The following PKHD1 variants were observed in gnomAD, a reference collection of about 807,000 sequenced individuals.
The protein encoded by PKHD1 is fibrocystin.
A neutral mutation model predicts 412.0 loss-of-function variants in PKHD1; 291 were observed. That is an observed-to-expected ratio of 0.71 (90% CI 0.64 to 0.78). The LOEUF is 0.78. PKHD1 is among the 30% of genes least tolerant of loss of function. PKHD1 has a pLI of 0.00. For missense variants in PKHD1, 4,825 were observed against 4,950.7 expected (o/e 0.97, Z 0.76); for synonymous variants, 1,777 against 1,821.5 (o/e 0.98, Z 0.62).
chr6:52,031,858 T>C (rs923623064), intron 29 of PKHD1, among the ~76,000 whole-genome samples: 1 of 152,228 alleles, frequency 6.6e-6, no homozygotes, highest in South Asian at 2.1e-4. Flanking sequence ...AAGAATGCAT[T>C]GCATTGTATG....
chr6:51,894,856 T>A (rs565908611), intron 43 of PKHD1, among the ~76,000 whole-genome samples: 1 of 152,232 alleles, frequency 6.6e-6, no homozygotes, highest in African/African-American at 2.4e-5. Context: ...CGTTATGTTA[T>A]CATTGGAGGG....
At position 51,807,485 on chromosome 6, in the gene PKHD1, A is replaced by ATATATATGTGTGTGTGTG. The variant is rs765667001; in HGVS notation, c.8303-16113_8303-16112insCACACACACACATATATA. 4.5e-4 allele frequency among the ~76,000 whole-genome samples: 50 copies of ATATATATGTGTGTGTGTG among 111,766 alleles called. 1 individual carries two copies. The highest frequency in any genetic ancestry group is 1.6e-3 in the African/African-American group (41 of 25,798). 73.3% of individuals were successfully genotyped at this position (111,766 alleles called of 152,430 possible). On this transcript the variant is annotated intron_variant, in intron 52 of 66. Coordinates refer to ENST00000371117, the MANE Select transcript of PKHD1 (RefSeq NM_138694.4). Reference sequence around the variant, plus strand: ...TATATATATATATATATATATGTATATGTGTGTGTGTGTGTGTGTGTGTGT... The same window carrying ATATATATGTGTGTGTGTG: ...TATATATATATATATATATATGTATATATATATGTGTGTGTGTGTGTGTGTGTGTGTGTGTGTGTGTGT...
At chr6:52,073,968 C>G (rs1896979) in intron 6 of PKHD1, among the ~76,000 whole-genome samples, 64,558 of 152,016 alleles carry the variant, frequency 0.42, 15,383 homozygotes, top group Admixed American at 0.57. Context: ...AGACTTTCCT[C>G]TGGGCATTTG....
intron 63 of PKHD1, among the ~76,000 whole-genome samples, chr6:51,645,643 C>G (rs965609612): frequency 1.3e-5 from 2 of 152,216 alleles, no homozygotes; most frequent in African/African-American, 4.8e-5. Flanking sequence ...ATCCAGCCAC[C>G]TTAGCCTCCC....
At position 51,648,226 on chromosome 6, in the gene PKHD1, CA is replaced by C. The variant is rs1447012804; in HGVS notation, c.11311-109del. Reference sequence around the variant, plus strand: ...TATTTGCTTTTATAAAGCATATATTCAGTAGAAATAAAGGAAAGAAAGTGAT... The same window carrying C: ...TATTTGCTTTTATAAAGCATATATTCGTAGAAATAAAGGAAAGAAAGTGAT... On this transcript the variant is annotated intron_variant, in intron 62 of 66. Coordinates refer to ENST00000371117, the MANE Select transcript of PKHD1 (RefSeq NM_138694.4). The C allele has an allele frequency of 1.0e-5, 7 of 694,296 alleles. No individual in the cohort carries two copies. In the African/African-American group the frequency reaches 1.2e-4, roughly 12 times the overall value. The allele number at this position is 694,296 out of a possible 1,614,324, so 43.0% of individuals were successfully genotyped here.
At chr6:52,082,597 AGT>A in intron 3 of PKHD1, 55 bp from the exon 4 acceptor site, 3 of 1,564,120 alleles carry the variant, frequency 1.9e-6, no homozygotes, top group African/African-American at 1.4e-5. Flanking sequence ...GACACAGGAC[AGT>A]GTGAAACTGT....
At chr6:51,897,236 G>C (rs1385238627) in intron 43 of PKHD1, among the ~76,000 whole-genome samples, 1 of 152,018 alleles carries the variant, frequency 6.6e-6, no homozygotes, top group East Asian at 1.9e-4. Flanking sequence ...TTGAAATGAA[G>C]GGAAAAATGT....
At chr6:51,635,122 G>A (rs1768362282) in intron 64 of PKHD1, among the ~76,000 whole-genome samples, 1 of 152,034 alleles carries the variant, frequency 6.6e-6, no homozygotes, top group South Asian at 2.1e-4. Context: ...TAGAGATGGG[G>A]TATTGCTATG....
intron 60 of PKHD1, among the ~76,000 whole-genome samples, chr6:51,723,518 A>C (rs1278017709): frequency 2.0e-5 from 3 of 152,198 alleles, no homozygotes; most frequent in Admixed American, 6.5e-5. Flanking sequence ...AGAACAATTC[A>C]TGGTAAGTAA....
At chr6:51,666,640 C>G (rs900174545) in intron 60 of PKHD1, among the ~76,000 whole-genome samples, 5 of 151,376 alleles carry the variant, frequency 3.3e-5, no homozygotes, top group Non-Finnish European at 7.4e-5. Flanking sequence ...GTGCGCTGCA[C>G]CCACTAACTC....
intron 52 of PKHD1, among the ~76,000 whole-genome samples, chr6:51,808,670 G>T (rs1168556866): frequency 6.6e-6 from 1 of 151,960 alleles, no homozygotes; most frequent in Non-Finnish European, 1.5e-5. Context: ...TTGACTTCCT[G>T]TTTCTAATGT....
chr6:51,627,354 T>TC (rs1767385440), intron 65 of PKHD1, among the ~76,000 whole-genome samples: 1 of 152,120 alleles, frequency 6.6e-6, no homozygotes, highest in Non-Finnish European at 1.5e-5. Flanking sequence ...TGGCTACTGA[T>TC]CACTTAAAAT....
intron 55 of PKHD1, among the ~76,000 whole-genome samples, chr6:51,761,357 C>G (rs1787978731): frequency 1.3e-5 from 2 of 152,150 alleles, no homozygotes; most frequent in South Asian, 4.2e-4. Flanking sequence ...ATCTCACTTG[C>G]ATGCAGAATC....
In PKHD1 at chr6:51,667,303, G is replaced by T. The variant is rs1327490537; in HGVS notation, c.10157-7334C>A. Among the ~76,000 whole-genome samples, 9 of 151,536 alleles carry T rather than the reference G, an allele frequency of 5.9e-5. No homozygotes were observed. The South Asian group carries it at 1.7e-3, about 28-fold the overall frequency. ...CATTTCTCTAATGGCCAGTGATGGT[G>T]AGCATTTTTTCATGTGTTTTTTGGC... is the stretch of plus-strand genomic sequence containing the variant. On this transcript the variant is annotated intron_variant, in intron 60 of 66. Coordinates refer to ENST00000371117, the MANE Select transcript of PKHD1 (RefSeq NM_138694.4).
intron 35 of PKHD1, among the ~76,000 whole-genome samples, chr6:51,982,758 A>G (rs1795637415): frequency 7.0e-6 from 1 of 142,732 alleles, no homozygotes; most frequent in East Asian, 2.0e-4. Flanking sequence ...CTATTGTCCT[A>G]TGACCCTGCC....
Position 51,738,143 on chromosome 6 carries a change from TC to T in PKHD1, c.10156+6241del, listed in dbSNP as rs1443296253. Among the ~76,000 whole-genome samples, 4 of 152,166 alleles carry T rather than the reference TC, an allele frequency of 2.6e-5. No homozygotes were observed. In the East Asian group the frequency reaches 5.8e-4, roughly 22 times the overall value. On this transcript the variant is annotated intron_variant, in intron 60 of 66. Transcript: ENST00000371117. ...GGCCAGCACGCGTGGAGCAGCTACC[TC>T]CAAGCCCCACCTGCTCCCCTTCCAC...
At chr6:51,682,222 T>A in intron 60 of PKHD1, 1 of 456,026 alleles carries the variant, frequency 2.2e-6, no homozygotes, top group South Asian at 1.6e-5. Context: ...ATAAGGGAAC[T>A]CTTCTTTTGT....
At chr6:51,843,896 T>C (rs981316321) in intron 50 of PKHD1, among the ~76,000 whole-genome samples, 8 of 152,226 alleles carry the variant, frequency 5.3e-5, no homozygotes, top group African/African-American at 1.9e-4. Context: ...ATTCTGTGGC[T>C]AACAATTGCT....
intron 50 of PKHD1, among the ~76,000 whole-genome samples, chr6:51,844,525 AGT>A (rs1456792923): frequency 6.6e-6 from 1 of 152,190 alleles, no homozygotes; most frequent in East Asian, 1.9e-4. Flanking sequence ...ACAATTATTT[AGT>A]GGGCAGCACA....
Sources: gnomAD v4.1 joint callset for allele counts (sites outside exome capture counted in the v4.1 genomes callset) on GRCh38, gnomAD v4.1.1 for gene constraint, MANE v1.5 for transcripts, NCBI Gene and HGNC (gene_info 2026-07-23, HGNC 2026-07-21) for gene names.